PCGF5: variants seen among roughly 807,000 people sequenced by gnomAD.
The protein encoded by PCGF5 is polycomb group RING finger protein 5.
PCGF5 carries 9 observed loss-of-function variants against 44.3 expected under a neutral mutation model. That is an observed-to-expected ratio of 0.20 (90% CI 0.12 to 0.35). The LOEUF (loss-of-function observed/expected upper bound fraction) is 0.35. Among genes scored for constraint, PCGF5 ranks in the 10% least tolerant of loss-of-function variants. PCGF5 has a pLI of 1.00. For missense variants in PCGF5, 146 were observed against 305.3 expected (o/e 0.48, Z 3.89); for synonymous variants, 95 against 102.5 (o/e 0.93, Z 0.44).
At chr10:91,191,784 A>G (rs1212362431) in intron 1 of PCGF5, among the ~76,000 whole-genome samples, 1 of 152,212 alleles carries the variant, frequency 6.6e-6, no homozygotes, top group Admixed American at 6.5e-5. Flanking sequence ...CCTAGTTGGG[A>G]CAAGTACAAG....
upstream of PCGF5, among the ~76,000 whole-genome samples, chr10:91,162,625 C>T (rs1391863361): frequency 2.0e-5 from 3 of 151,960 alleles, no homozygotes; most frequent in South Asian, 4.1e-4. Context: ...TGGCTTCACG[C>T]CCGCCCGGGG....
upstream of PCGF5, chr10:91,162,956 T>C (rs1843415553): frequency 7.1e-6 from 1 of 140,392 alleles, no homozygotes; most frequent in Non-Finnish European, 1.6e-5. Flanking sequence ...CCCGCGCCGC[T>C]CGCACCCCCG....
intron 3 of PCGF5, among the ~76,000 whole-genome samples, chr10:91,243,262 A>G (rs1007318886): frequency 3.3e-5 from 5 of 152,212 alleles, no homozygotes; most frequent in Admixed American, 3.3e-4. Flanking sequence ...AGCCAAAACT[A>G]GGTCACATGA....
chr10:91,157,419 G>A, the PCGF5 span, among the ~76,000 whole-genome samples: 5 of 152,112 alleles, frequency 3.3e-5, no homozygotes, highest in Non-Finnish European at 5.9e-5. Context: ...ATGGCAAAAT[G>A]GCACCATTTT....
chr10:91,197,351 G>A (rs565918805), intron 1 of PCGF5, among the ~76,000 whole-genome samples: 72 of 152,290 alleles, frequency 4.7e-4, no homozygotes, highest in African/African-American at 1.6e-3. Flanking sequence ...GCTCCGTGAT[G>A]TATTATTTTC....
At chr10:91,201,387 C>T (rs1450539081) in intron 1 of PCGF5, among the ~76,000 whole-genome samples, 1 of 152,130 alleles carries the variant, frequency 6.6e-6, no homozygotes, top group Non-Finnish European at 1.5e-5. Flanking sequence ...CCTCCCAAAG[C>T]CCCACCTCTA....
At chr10:91,265,008 GC>G (rs1846015711) in intron 8 of PCGF5, among the ~76,000 whole-genome samples, 1 of 152,098 alleles carries the variant, frequency 6.6e-6, no homozygotes, top group Middle Eastern at 3.2e-3. Context: ...AAGTGAGTTT[GC>G]AGTGCTTTCT....
chr10:91,202,399 T>C (rs1401122693), intron 1 of PCGF5, among the ~76,000 whole-genome samples: 1 of 152,228 alleles, frequency 6.6e-6, no homozygotes. Context: ...CTTGAGAGAG[T>C]TAATTTAATT....
intron 1 of PCGF5, among the ~76,000 whole-genome samples, chr10:91,163,938 C>T (rs547759653): frequency 6.6e-6 from 1 of 152,234 alleles, no homozygotes; most frequent in Non-Finnish European, 1.5e-5. Flanking sequence ...GCTGCCACCT[C>T]TCCTGGGTCT....
intron 1 of PCGF5, among the ~76,000 whole-genome samples, chr10:91,194,722 A>T (rs916840254): frequency 6.6e-6 from 1 of 152,224 alleles, no homozygotes; most frequent in Non-Finnish European, 1.5e-5. Context: ...CACAGACTGA[A>T]TGAGATCACC....
upstream of PCGF5, among the ~76,000 whole-genome samples, chr10:91,217,661 T>G (rs754857835): frequency 1.3e-5 from 2 of 152,212 alleles, no homozygotes; most frequent in Admixed American, 6.5e-5. Context: ...GGATTATGCT[T>G]CTTTGATAGG....
chr10:91,184,231 A>G (rs10736062), intron 1 of PCGF5, among the ~76,000 whole-genome samples: 140,685 of 152,232 alleles, frequency 0.92, 65,073 homozygotes, highest in South Asian at 0.97. Context: ...ACATAATCCC[A>G]TATTTCTTGG....
chr10:91,229,335 C>T (rs889509640), intron 2 of PCGF5, among the ~76,000 whole-genome samples: 1 of 152,164 alleles, frequency 6.6e-6, no homozygotes, highest in African/African-American at 2.4e-5. Context: ...CTATACATGA[C>T]AAATGCTATG....
intron 1 of PCGF5, among the ~76,000 whole-genome samples, chr10:91,202,206 G>A (rs1347051936): frequency 6.6e-6 from 1 of 152,238 alleles, no homozygotes; most frequent in Admixed American, 6.5e-5. Flanking sequence ...GTGCTATGAT[G>A]ATGATGGTCG....
chr10:91,278,066 A>T (rs1265889854), intron 9 of PCGF5, among the ~76,000 whole-genome samples: 1 of 152,186 alleles, frequency 6.6e-6, no homozygotes, highest in Non-Finnish European at 1.5e-5. Context: ...GCTGCATATT[A>T]CTGAAAACTT....
intron 1 of PCGF5, among the ~76,000 whole-genome samples, chr10:91,195,284 CA>C (rs34864359): frequency 2.0e-3 from 267 of 131,450 alleles, no homozygotes; most frequent in Middle Eastern, 3.9e-3. Flanking sequence ...TCACCTCCTT[CA>C]AAAAAAAAAA....
At chr10:91,169,259 A>C (rs571935805) in intron 1 of PCGF5, among the ~76,000 whole-genome samples, 2 of 152,350 alleles carry the variant, frequency 1.3e-5, no homozygotes, top group African/African-American at 4.8e-5. Flanking sequence ...TCATGATGCA[A>C]ATAAAGAAGT....
intron 1 of PCGF5, among the ~76,000 whole-genome samples, chr10:91,200,379 A>C (rs1329080253): frequency 8.9e-6 from 1 of 112,832 alleles, no homozygotes; most frequent in Non-Finnish European, 2.4e-5. Flanking sequence ...TTGTTCAACT[A>C]ATCTAGTTAA....
intron 3 of PCGF5, 52 bp from the exon 4 acceptor site, chr10:91,248,453 T>C: frequency 6.8e-7 from 1 of 1,467,030 alleles, no homozygotes; most frequent in South Asian, 1.2e-5. Context: ...TATTTACATG[T>C]CAGATCTTGG....
Sources: gnomAD v4.1 joint callset for allele counts (sites outside exome capture counted in the v4.1 genomes callset) on GRCh38, gnomAD v4.1.1 for gene constraint, MANE v1.5 for transcripts, NCBI Gene and HGNC (gene_info 2026-07-23, HGNC 2026-07-21) for gene names.